Variants in STARD3NL observed in about 807,000 individuals in gnomAD.
The protein encoded by STARD3NL is STARD3 N-terminal-like protein.
STARD3NL carries 17 observed loss-of-function variants against 30.9 expected under a neutral mutation model. That is an observed-to-expected ratio of 0.55 (90% CI 0.38 to 0.82). The LOEUF (loss-of-function observed/expected upper bound fraction) is 0.82. Among genes scored for constraint, STARD3NL ranks in the 40% least tolerant of loss-of-function variants. The pLI is 0.00. For synonymous variants in STARD3NL, 112 were observed against 100.5 expected (o/e 1.11, Z -0.69); for missense variants, 234 against 277.6 (o/e 0.84, Z 1.12).
chr7:38,179,814 C>T (rs1322173132), intron 1 of STARD3NL, among the ~76,000 whole-genome samples: 1 of 152,146 alleles, frequency 6.6e-6, no homozygotes, highest in Non-Finnish European at 1.5e-5. Flanking sequence ...GGAGGTAACA[C>T]GAGGTGACAT....
intron 2 of STARD3NL, among the ~76,000 whole-genome samples, chr7:38,208,467 T>G (rs2116254540): frequency 6.6e-6 from 1 of 152,342 alleles, no homozygotes; most frequent in East Asian, 1.9e-4. Flanking sequence ...AGTTGCCACA[T>G]TAATAAAAAT....
At chr7:38,220,221 T>G (rs924213517) in intron 7 of STARD3NL, among the ~76,000 whole-genome samples, 1 of 152,202 alleles carries the variant, frequency 6.6e-6, no homozygotes. Context: ...CTGCCTCCAG[T>G]TTTGTCTTTC....
At chr7:38,204,925 G>C (rs894044035) in intron 1 of STARD3NL, among the ~76,000 whole-genome samples, 9 of 152,118 alleles carry the variant, frequency 5.9e-5, no homozygotes, top group Non-Finnish European at 1.2e-4. Flanking sequence ...ACCCTCCCAA[G>C]ACTAAACCAG....
chr7:38,185,398 CAT>C (rs1487922478), intron 1 of STARD3NL, among the ~76,000 whole-genome samples: 1 of 152,180 alleles, frequency 6.6e-6, no homozygotes, highest in Non-Finnish European at 1.5e-5. Context: ...TAGGAGATAA[CAT>C]ATGTAACTTC....
At chr7:38,219,472 G>A (rs1717267461) in intron 6 of STARD3NL, 93 bp from the exon 7 acceptor site, 2 of 806,592 alleles carry the variant, frequency 2.5e-6, no homozygotes, top group Non-Finnish European at 4.1e-6. Flanking sequence ...GTATTTCATT[G>A]TAATAATAAT....
intron 7 of STARD3NL, among the ~76,000 whole-genome samples, chr7:38,221,838 T>G (rs1232224676): frequency 6.6e-6 from 1 of 152,206 alleles, no homozygotes; most frequent in East Asian, 1.9e-4. Context: ...CTGAAAATGT[T>G]GTGCTCTAGG....
chr7:38,202,799 C>T (rs1305615049), intron 1 of STARD3NL, among the ~76,000 whole-genome samples: 5 of 145,794 alleles, frequency 3.4e-5, no homozygotes, highest in Admixed American at 7.0e-5. Context: ...GTTCAATTCC[C>T]ACCTATGAGT....
At chr7:38,194,791 C>T (rs1784834312) in intron 1 of STARD3NL, among the ~76,000 whole-genome samples, 1 of 152,052 alleles carries the variant, frequency 6.6e-6, no homozygotes, top group Non-Finnish European at 1.5e-5. Context: ...ATAAATATGG[C>T]TTACCTCCTC....
At chr7:38,218,843 T>C (rs1786281133) in intron 6 of STARD3NL, among the ~76,000 whole-genome samples, 1 of 152,186 alleles carries the variant, frequency 6.6e-6, no homozygotes, top group Admixed American at 6.5e-5. Context: ...TTTGAAACCT[T>C]CTTGTTGCAT....
At chr7:38,210,009 T>A (rs1214654335) in intron 2 of STARD3NL, among the ~76,000 whole-genome samples, 1 of 152,238 alleles carries the variant, frequency 6.6e-6, no homozygotes, top group Non-Finnish European at 1.5e-5. Context: ...GGACTTTTTT[T>A]AGTATGATTG....
At chr7:38,207,035 C>T (rs1203443980) in intron 1 of STARD3NL, among the ~76,000 whole-genome samples, 2 of 152,140 alleles carry the variant, frequency 1.3e-5, no homozygotes, top group Non-Finnish European at 2.9e-5. Context: ...CTTACATGCT[C>T]CAGGAAAGCA....
intron 7 of STARD3NL, among the ~76,000 whole-genome samples, chr7:38,228,329 A>G (rs893000538): frequency 1.3e-5 from 2 of 152,210 alleles, no homozygotes; most frequent in Non-Finnish European, 2.9e-5. Flanking sequence ...AATATCCTGA[A>G]GCTCATGAGA....
chr7:38,206,996 G>A (rs1159928618), intron 1 of STARD3NL, among the ~76,000 whole-genome samples: 1 of 152,116 alleles, frequency 6.6e-6, no homozygotes, highest in African/African-American at 2.4e-5. Flanking sequence ...TTGGAAATAA[G>A]CTTTTTTATA....
At chr7:38,179,050 T>C (rs975818013) in intron 1 of STARD3NL, 4 of 152,228 alleles carry the variant, frequency 2.6e-5, no homozygotes, top group African/African-American at 9.6e-5. Flanking sequence ...ATTGTGGAAC[T>C]TTTCTTTGTT....
Position 38,207,442 on chromosome 7 carries a change from C to A in STARD3NL, c.-58-5C>A. 8 of 1,402,728 alleles carry A rather than the reference C, an allele frequency of 5.7e-6. No homozygotes were observed. Among genetic ancestry groups the A allele is most frequent in the Non-Finnish European group, 7.9e-6 (8 of 1,014,990 alleles). 86.9% of individuals were successfully genotyped at this position (1,402,728 alleles called of 1,614,324 possible). A position where few individuals can be genotyped will look rare whatever the true frequency, so the allele number is the denominator to read the frequency against. On this transcript the variant is annotated splice_region_variant and splice_polypyrimidine_tract_variant and intron_variant, in intron 1 of 8. Transcript: ENST00000009041. ...AACATGGTGTCTCTTTTTTATTTCC[C>A]AAAGGTGTCTTCTCTTTAGGGATGG...
At chr7:38,202,729 C>T (rs1282264788) in intron 1 of STARD3NL, among the ~76,000 whole-genome samples, 2 of 115,640 alleles carry the variant, frequency 1.7e-5, no homozygotes, top group Non-Finnish European at 3.4e-5. Context: ...CCCCCTCCCC[C>T]CACCCCACAA....
chr7:38,192,828 T>C (rs963051429), intron 1 of STARD3NL, among the ~76,000 whole-genome samples: 5 of 152,348 alleles, frequency 3.3e-5, no homozygotes, highest in African/African-American at 9.6e-5. Flanking sequence ...GTCTGCCCTC[T>C]CTTTCCACAC....
intron 1 of STARD3NL, among the ~76,000 whole-genome samples, chr7:38,205,416 T>C (rs1370594645): frequency 6.6e-6 from 1 of 152,186 alleles, no homozygotes; most frequent in Non-Finnish European, 1.5e-5. Context: ...TGTCTGTGTG[T>C]ATTCCATTTA....
intron 1 of STARD3NL, among the ~76,000 whole-genome samples, chr7:38,187,803 G>C (rs1784522524): frequency 6.6e-6 from 1 of 152,002 alleles, no homozygotes; most frequent in Non-Finnish European, 1.5e-5. Context: ...AACTGAACTG[G>C]TATTCTTGCT....
Sources: gnomAD v4.1 joint callset for allele counts (sites outside exome capture counted in the v4.1 genomes callset) on GRCh38, gnomAD v4.1.1 for gene constraint, MANE v1.5 for transcripts, NCBI Gene and HGNC (gene_info 2026-07-23, HGNC 2026-07-21) for gene names.